The following GCNT1 variants were observed in gnomAD, a reference collection of about 807,000 sequenced individuals.
GCNT1 encodes the protein beta-1,3-galactosyl-O-glycosyl-glycoprotein beta-1,6-N-acetylglucosaminyltransferase.
A neutral mutation model predicts 26.2 loss-of-function variants in GCNT1; 16 were observed. The observed-to-expected ratio is 0.61, with a 90% CI of 0.41 to 0.93. The LOEUF is 0.93. Ranked by LOEUF, GCNT1 falls within the 40% of genes least tolerant of loss-of-function variation. GCNT1 has a pLI of 0.00. For synonymous variants in GCNT1, 183 were observed against 190.8 expected (o/e 0.96, Z 0.34); for missense variants, 477 against 526.7 (o/e 0.91, Z 0.92).
In GCNT1 at chr9:76,503,914, G is replaced by A. The variant is rs557684688; in HGVS notation, c.*246G>A. On this transcript the variant is annotated 3_prime_UTR_variant, in exon 4 of 4. Transcript: ENST00000376730. ...TAAAGGTAGCCTTGAGGCCAGAGCA[G>A]GTAGCAAGGCATTGTGGAAAGAGGG... 2 of 505,646 alleles carry A rather than the reference G, an allele frequency of 4.0e-6. No individual in the cohort carries two copies. The highest frequency in any genetic ancestry group is 7.4e-6 in the Non-Finnish European group (2 of 269,702). 31.3% of individuals were successfully genotyped at this position (505,646 alleles called of 1,614,324 possible).
At chr9:76,450,316 G>A (rs1286612135) in intron 1 of GCNT1, among the ~76,000 whole-genome samples, 1 of 152,090 alleles carries the variant, frequency 6.6e-6, no homozygotes, top group East Asian at 1.9e-4. Context: ...TAACAGATGT[G>A]CACTTTTATA....
chr9:76,485,174 T>C (rs779372332), intron 2 of GCNT1, among the ~76,000 whole-genome samples: 2 of 151,892 alleles, frequency 1.3e-5, no homozygotes, highest in Non-Finnish European at 2.9e-5. Flanking sequence ...TTATTATATG[T>C]ACTTTTATGT....
intron 1 of GCNT1, among the ~76,000 whole-genome samples, chr9:76,429,201 T>C (rs1249424103): frequency 6.6e-6 from 1 of 152,200 alleles, no homozygotes; most frequent in Non-Finnish European, 1.5e-5. Flanking sequence ...TTTCTTCTTT[T>C]GATCAGTCAC....
chr9:76,434,181 G>A (rs371222066), intron 1 of GCNT1, among the ~76,000 whole-genome samples: 1 of 152,274 alleles, frequency 6.6e-6, no homozygotes, highest in South Asian at 2.1e-4. Flanking sequence ...TACTATTAAG[G>A]ATTTCGAGTA....
chr9:76,396,451 TAAGA>T, the GCNT1 span, among the ~76,000 whole-genome samples: 4 of 96,380 alleles, frequency 4.2e-5, no homozygotes, highest in African/African-American at 8.1e-5. Flanking sequence ...TAAAAATAAG[TAAGA>T]AAGAGAGAAA....
At position 76,452,273 on chromosome 9, in the gene GCNT1, C is replaced by T. The variant is rs541698839; in HGVS notation, c.-290+9958C>T. ...TGTGAACCACTGCACCTGGCCTGTA[C>T]AACTTTTCAGTGTGGCAAGAATGAA... is the stretch of plus-strand genomic sequence containing the variant. On this transcript the variant is annotated intron_variant, in intron 1 of 2. Transcript: ENST00000442371. 1.2e-4 allele frequency among the ~76,000 whole-genome samples: 18 copies of T among 152,188 alleles called. No homozygotes were observed. In the South Asian group the frequency reaches 3.7e-3, roughly 32 times the overall value.
chr9:76,450,415 G>T (rs1412344044), intron 1 of GCNT1, among the ~76,000 whole-genome samples: 1 of 152,056 alleles, frequency 6.6e-6, no homozygotes, highest in Non-Finnish European at 1.5e-5. Context: ...TGAAATCTTT[G>T]TGTATTTGTA....
the GCNT1 span, chr9:76,398,576 A>G: frequency 1.5e-6 from 1 of 673,880 alleles, no homozygotes. Flanking sequence ...ATATTTAATC[A>G]AATGAGGTGA....
At chr9:76,489,535 C>T (rs1199852860) in intron 2 of GCNT1, among the ~76,000 whole-genome samples, 1 of 152,180 alleles carries the variant, frequency 6.6e-6, no homozygotes, top group Non-Finnish European at 1.5e-5. Context: ...CCGCCCATGT[C>T]CTGCTGATTG....
At chr9:76,492,421 TCCTCAGATGGTAAGGGA>T (rs1427540500) in intron 2 of GCNT1, among the ~76,000 whole-genome samples, 1 of 152,004 alleles carries the variant, frequency 6.6e-6, no homozygotes, top group African/African-American at 2.4e-5. Context: ...ATCCCAGGAT[TCCTCAGATGGTAAGGGA>T]CCTTGAGGAC....
At chr9:76,499,512 G>T (rs1825005417) in intron 2 of GCNT1, among the ~76,000 whole-genome samples, 1 of 152,136 alleles carries the variant, frequency 6.6e-6, no homozygotes, top group African/African-American at 2.4e-5. Context: ...TCATTTTCAG[G>T]ATTTGTTGTA....
In GCNT1 at chr9:76,502,289, A is replaced by T; in HGVS notation, c.-93A>T. 1.3e-6 allele frequency: 1 copy of T among 765,120 alleles called. No individual in the cohort carries two copies. The highest frequency in any genetic ancestry group is 2.1e-6 in the Non-Finnish European group (1 of 470,218). The allele number at this position is 765,120 out of a possible 1,614,324, so 47.4% of individuals were successfully genotyped here. ...TTGCAGCTCTGATAAATGCAAACTG[A>T]CAACCTTCAAGGCCACGACGGAGGG... On this transcript the variant is annotated 5_prime_UTR_variant, in exon 4 of 4. It removes the in-frame stop codon of an upstream open reading frame in the 5' UTR. Transcript: ENST00000376730.
At position 76,430,458 on chromosome 9, in the gene GCNT1, T is replaced by C. The variant is rs183240145; in HGVS notation, n.38+10571T>C. On this transcript the variant is annotated intron_variant and non_coding_transcript_variant, in intron 1 of 3. Transcript: ENST00000488136. The stretch of plus-strand genomic sequence containing the variant: ...GTGCAGTAGTGGGATCATGGCTCCC[T>C]GCATCCTTGACCTCGGGGGCTCAAG... Among the ~76,000 whole-genome samples, 397 of 152,212 alleles carry C rather than the reference T, an allele frequency of 2.6e-3. 1 individual carries two copies. Among genetic ancestry groups the C allele is most frequent in the African/African-American group, 9.2e-3 (384 of 41,548 alleles).
At chr9:76,469,315 A>G (rs1392929464) in intron 2 of GCNT1, among the ~76,000 whole-genome samples, 3 of 152,196 alleles carry the variant, frequency 2.0e-5, no homozygotes, top group Admixed American at 1.3e-4. Context: ...ACCTTTAAAC[A>G]TGGGGCTTGC....
chr9:76,489,882 A>G (rs1023060725), intron 2 of GCNT1, among the ~76,000 whole-genome samples: 7 of 152,202 alleles, frequency 4.6e-5, no homozygotes, highest in African/African-American at 1.2e-4. Context: ...AGGCCAGTCA[A>G]AAGGCCAGTG....
chr9:76,497,671 T>C (rs1824945756), intron 2 of GCNT1, among the ~76,000 whole-genome samples: 1 of 152,224 alleles, frequency 6.6e-6, no homozygotes. Context: ...TTTTGAACTT[T>C]GTATTTTCTA....
chr9:76,462,521 T>C (rs889737910), intron 2 of GCNT1, among the ~76,000 whole-genome samples: 5 of 152,230 alleles, frequency 3.3e-5, no homozygotes, highest in Admixed American at 6.5e-5. Flanking sequence ...TAAATGCCAG[T>C]GCACCCTCCC....
At chr9:76,452,053 C>T (rs1283109381) in intron 1 of GCNT1, among the ~76,000 whole-genome samples, 1 of 150,740 alleles carries the variant, frequency 6.6e-6, no homozygotes, top group Non-Finnish European at 1.5e-5. Context: ...ACTGCAACCT[C>T]CACCTCCTGG....
At chr9:76,499,199 C>T (rs902201517) in intron 2 of GCNT1, among the ~76,000 whole-genome samples, 1 of 152,108 alleles carries the variant, frequency 6.6e-6, no homozygotes, top group Non-Finnish European at 1.5e-5. Context: ...ATGATCTTGG[C>T]TCACTGCAGT....
Sources: allele counts gnomAD v4.1 joint callset (sites outside exome capture counted in the v4.1 genomes callset), GRCh38; gene constraint gnomAD v4.1.1; transcripts MANE v1.5; gene names NCBI Gene and HGNC (gene_info 2026-07-23, HGNC 2026-07-21).